The following RNF4 variants were observed in gnomAD, a reference collection of about 807,000 sequenced individuals.
The protein encoded by RNF4 is E3 ubiquitin-protein ligase RNF4.
A neutral mutation model predicts 24.3 loss-of-function variants in RNF4; 7 were observed. That is an observed-to-expected ratio of 0.29 (90% confidence interval 0.16 to 0.54). The LOEUF is 0.54. Among genes scored for constraint, RNF4 ranks in the 20% least tolerant of loss-of-function variants. RNF4 has a pLI of 0.95. For synonymous variants in RNF4, 83 were observed against 84.3 expected, an observed-to-expected ratio of 0.98 and a Z score of 0.09; for missense variants, 209 against 248.5, an observed-to-expected ratio of 0.84 and a Z score of 1.07.
At chr4:2,503,728 C>T (rs554186998) in intron 4 of RNF4, among the ~76,000 whole-genome samples, 4 of 152,272 alleles carry the variant, frequency 2.6e-5, no homozygotes, top group East Asian at 1.9e-4. Context: ...GTAGATGGAT[C>T]GTGTGTTCAG....
intron 1 of RNF4, among the ~76,000 whole-genome samples, chr4:2,473,789 C>T (rs1399527458): frequency 2.6e-5 from 4 of 151,382 alleles, no homozygotes; most frequent in East Asian, 1.9e-4. Flanking sequence ...CCAGCCTGGG[C>T]GACAGAGCGA....
rs569364939 is a variant in RNF4 at position 2,513,918 on chromosome 4, C to T, written c.*99C>T. ...TTTCCTGAGATCAAAAAGACTGTTT[C>T]GAAACCAACATCTGATATGTAAACT... On this transcript the variant is annotated 3_prime_UTR_variant, in exon 8 of 8. Transcript: ENST00000314289. The T allele has an allele frequency of 1.6e-5, 24 of 1,478,322 alleles. No homozygotes were observed. The highest frequency in any genetic ancestry group is 5.3e-5 in the Admixed American group (3 of 56,256). 91.6% of individuals were successfully genotyped at this position (1,478,322 alleles called of 1,614,324 possible). A position where few individuals can be genotyped will look rare whatever the true frequency, so the allele number is the denominator to read the frequency against.
intron 4 of RNF4, among the ~76,000 whole-genome samples, chr4:2,510,698 G>A (rs1736248225): frequency 2.0e-5 from 3 of 152,240 alleles, no homozygotes; most frequent in African/African-American, 7.2e-5. Flanking sequence ...GGACAGGCAG[G>A]GTGAGGTGAG....
chr4:2,490,300 T>C (rs1280787035), intron 1 of RNF4, 37 bp from the exon 2 acceptor site: 8 of 583,260 alleles, frequency 1.4e-5, no homozygotes, highest in South Asian at 2.1e-5. Flanking sequence ...ATGATGTAAG[T>C]GGCAGTATTT....
intron 4 of RNF4, among the ~76,000 whole-genome samples, chr4:2,507,953 G>A (rs770630301): frequency 3.3e-5 from 5 of 152,046 alleles, no homozygotes; most frequent in Non-Finnish European, 4.4e-5. Flanking sequence ...CTCCCAGGTT[G>A]AAGAGATCCT....
Position 2,512,898 on chromosome 4 carries a change from T to C in RNF4, c.375-185T>C, listed in dbSNP as rs1736307720. Among the ~76,000 whole-genome samples, 1 of 152,170 alleles carries C rather than the reference T, an allele frequency of 6.6e-6. No individual in the cohort carries two copies. ...GACTCAGGTTGTGTGCACCTTCTCATGTTCACCCTCCCACATGCCCTTGGG... is the reference window on the plus strand; with the variant it reads ...GACTCAGGTTGTGTGCACCTTCTCACGTTCACCCTCCCACATGCCCTTGGG... On this transcript the variant is annotated intron_variant, in intron 6 of 7. Transcript: ENST00000314289. This position sits in a 1 kb window ranked among gnomAD's most constrained non-coding sequence, Gnocchi z 4.1.
intron 2 of RNF4, among the ~76,000 whole-genome samples, chr4:2,491,705 A>G (rs1311819797): frequency 6.6e-6 from 1 of 151,848 alleles, no homozygotes; most frequent in Non-Finnish European, 1.5e-5. Context: ...AAGTGCTAGG[A>G]TGACAGGCAT....
At chr4:2,493,080 G>A (rs990642160) in intron 2 of RNF4, among the ~76,000 whole-genome samples, 2 of 152,186 alleles carry the variant, frequency 1.3e-5, no homozygotes, top group Non-Finnish European at 2.9e-5. Flanking sequence ...GGGGAGCTCT[G>A]CAGATATTCC....
chr4:2,487,700 G>A (rs1490968530), intron 1 of RNF4, among the ~76,000 whole-genome samples: 2 of 152,166 alleles, frequency 1.3e-5, no homozygotes, highest in Non-Finnish European at 2.9e-5. Context: ...GGGGTTATAG[G>A]GCATGAGCCA....
At chr4:2,495,255 A>G (rs879773799) in intron 2 of RNF4, among the ~76,000 whole-genome samples, 3 of 152,204 alleles carry the variant, frequency 2.0e-5, no homozygotes, top group Non-Finnish European at 2.9e-5. Flanking sequence ...TAAGAGTAGC[A>G]TTGGAACACA....
At chr4:2,479,670 C>T (rs762444836) in intron 1 of RNF4, among the ~76,000 whole-genome samples, 33 of 152,124 alleles carry the variant, frequency 2.2e-4, no homozygotes, top group Non-Finnish European at 3.8e-4. Flanking sequence ...TTCATTAAAC[C>T]TCTTTCTTTT....
chr4:2,475,464 G>A (rs770801202), intron 1 of RNF4, among the ~76,000 whole-genome samples: 6 of 151,914 alleles, frequency 3.9e-5, no homozygotes, highest in East Asian at 3.9e-4. Flanking sequence ...TCAGCCTCCC[G>A]GGTAGCTGGG....
chr4:2,484,073 C>CCCCCCG (rs1411482841), intron 1 of RNF4, among the ~76,000 whole-genome samples: 1 of 57,442 alleles, frequency 1.7e-5, no homozygotes, highest in South Asian at 4.9e-4. Flanking sequence ...GTGATCCCCC[C>CCCCCCG]CCGCCTCGGC....
At chr4:2,479,405 G>C (rs7684966) in intron 1 of RNF4, among the ~76,000 whole-genome samples, 15,411 of 152,110 alleles carry the variant, frequency 0.1, 2,587 homozygotes, top group African/African-American at 0.35. Flanking sequence ...TGGTTTGGCT[G>C]TGTCCCCCAC....
intron 4 of RNF4, among the ~76,000 whole-genome samples, chr4:2,507,999 A>G (rs1255299064): frequency 6.6e-6 from 1 of 152,056 alleles, no homozygotes; most frequent in Non-Finnish European, 1.5e-5. Context: ...GACTACAGGT[A>G]CACACTGCCA....
chr4:2,497,597 G>T (rs912367281), intron 3 of RNF4, among the ~76,000 whole-genome samples: 24 of 152,092 alleles, frequency 1.6e-4, no homozygotes, highest in African/African-American at 5.8e-4. Flanking sequence ...TGCATATATT[G>T]TTTTTATAAC....
chr4:2,510,165 G>C (rs879535564), intron 4 of RNF4, among the ~76,000 whole-genome samples: 1 of 152,194 alleles, frequency 6.6e-6, no homozygotes, highest in African/African-American at 2.4e-5. Flanking sequence ...TTTATACTCA[G>C]TCCTGCATTC....
intron 2 of RNF4, 43 bp from the exon 3 acceptor site, chr4:2,496,964 A>G (rs751991252): frequency 2.0e-5 from 28 of 1,435,590 alleles, no homozygotes; most frequent in Non-Finnish European, 2.7e-5. Flanking sequence ...AAACCCTGAC[A>G]TTCTGGTGTT....
Position 2,513,796 on chromosome 4 carries a change from C to T in RNF4, c.550C>T (p.Arg184Trp), listed in dbSNP as rs1319766001. The T allele has an allele frequency of 3.1e-6, 5 of 1,613,840 alleles. No individual in the cohort carries two copies. The highest frequency in any genetic ancestry group is 3.4e-6 in the Non-Finnish European group (4 of 1,179,906). ...PTCRKKINHK[R>W]YHPIYI ...TTGTAGGAAAAAGATCAACCACAAA[C>T]GGTACCACCCCATTTATATATGAAG... Residue 184 changes from arginine (R) to tryptophan (W), a missense_variant, in exon 8 of 8, where the codon CGG (arginine) becomes TGG (tryptophan). Physicochemically the swap from Arg to Trp is moderately radical, Grantham distance 101 (BLOSUM62 -3). Transcript: ENST00000314289.
Sources: gnomAD v4.1 joint callset for allele counts (sites outside exome capture counted in the v4.1 genomes callset) on GRCh38, gnomAD v4.1.1 for gene constraint, Gnocchi (gnomAD v3.1) non-coding constraint, MANE v1.5 for transcripts, NCBI Gene and HGNC (gene_info 2026-07-23, HGNC 2026-07-21) for gene names.